The following HCN1 variants were observed in gnomAD, a reference collection of about 807,000 sequenced individuals.
HCN1 encodes hyperpolarization activated cyclic nucleotide gated potassium channel 1.
A neutral mutation model predicts 78.9 loss-of-function variants in HCN1; 13 were observed. That is an observed-to-expected ratio of 0.16 (90% CI 0.11 to 0.26). The LOEUF (loss-of-function observed/expected upper bound fraction) is 0.26, where lower values mean the gene tolerates loss of function less well. Among genes scored for constraint, HCN1 ranks in the 10% least tolerant of loss-of-function variants. The pLI, the probability that HCN1 is intolerant of heterozygous loss-of-function variation, is 1.00. For synonymous variants in HCN1, 552 were observed against 455.5 expected (o/e 1.21, Z -2.70); for missense variants, 810 against 1,154.3 (o/e 0.70, Z 4.32).
intron 5 of HCN1, among the ~76,000 whole-genome samples, chr5:45,341,158 T>C (rs1746571966): frequency 6.6e-6 from 1 of 152,210 alleles, no homozygotes; most frequent in Non-Finnish European, 1.5e-5. Flanking sequence ...GAATCAGCCG[T>C]TCACAGATGG....
At chr5:45,276,507 G>T (rs747521816) in intron 6 of HCN1, among the ~76,000 whole-genome samples, 3 of 151,986 alleles carry the variant, frequency 2.0e-5, no homozygotes, top group African/African-American at 7.2e-5. Flanking sequence ...AATTTAAAAA[G>T]AGTTCCTCAT....
intron 2 of HCN1, among the ~76,000 whole-genome samples, chr5:45,498,727 G>A (rs909503702): frequency 6.6e-6 from 1 of 152,002 alleles, no homozygotes; most frequent in African/African-American, 2.4e-5. Flanking sequence ...TCTACTTTTG[G>A]TCTTTGATGA....
chr5:45,353,246 AC>A lies in HCN1; in HGVS notation c.1231-1del. On this transcript the variant is annotated splice_acceptor_variant, in intron 4 of 7. Transcript: ENST00000303230. LOFTEE classifies it high-confidence loss of function. ...GACATGTATTGTTCCACTTGCTTAT[AC>A]TGTAAGGAAGGGAAAATAAAATTAA... The A allele has an allele frequency of 6.3e-7, 1 of 1,595,702 alleles. No homozygotes were observed. The highest frequency in any genetic ancestry group is 2.2e-5 in the East Asian group (1 of 44,638).
At chr5:45,512,573 A>T (rs529210939) in intron 2 of HCN1, among the ~76,000 whole-genome samples, 1 of 152,056 alleles carries the variant, frequency 6.6e-6, no homozygotes, top group East Asian at 1.9e-4. Flanking sequence ...AATAATTTTT[A>T]AAAAATCCTG....
intron 2 of HCN1, among the ~76,000 whole-genome samples, chr5:45,619,802 T>C (rs1745021863): frequency 6.6e-6 from 1 of 152,116 alleles, no homozygotes; most frequent in South Asian, 2.1e-4. Context: ...TGTGGTGATT[T>C]GAACTCAGGC....
chr5:45,502,233 C>T (rs374831012), intron 2 of HCN1, among the ~76,000 whole-genome samples: 1 of 151,374 alleles, frequency 6.6e-6, no homozygotes, highest in South Asian at 2.1e-4. Flanking sequence ...TTTGGGAGGC[C>T]GAGGCGGGCG....
chr5:45,496,019 AT>A (rs1266446767), intron 2 of HCN1, among the ~76,000 whole-genome samples: 5 of 152,148 alleles, frequency 3.3e-5, no homozygotes, highest in Admixed American at 3.3e-4. Context: ...TTTACTGAGG[AT>A]TTTTGCATCA....
chr5:45,528,413 C>G (rs1320917026), intron 2 of HCN1, among the ~76,000 whole-genome samples: 1 of 151,740 alleles, frequency 6.6e-6, no homozygotes, highest in Non-Finnish European at 1.5e-5. Flanking sequence ...TACTATAGAC[C>G]AAATAGTTTT....
At chr5:45,688,282 A>T (rs532758869) in intron 1 of HCN1, among the ~76,000 whole-genome samples, 1 of 152,092 alleles carries the variant, frequency 6.6e-6, no homozygotes. Context: ...CTTGTTTCTT[A>T]TTATGTAAAA....
intron 2 of HCN1, among the ~76,000 whole-genome samples, chr5:45,556,015 A>G (rs1396237436): frequency 6.6e-6 from 1 of 151,948 alleles, no homozygotes; most frequent in Non-Finnish European, 1.5e-5. Flanking sequence ...ATGCCAAAGA[A>G]TGAAACTAGA....
chr5:45,372,829 C>T (rs1177634293), intron 4 of HCN1, among the ~76,000 whole-genome samples: 1 of 140,496 alleles, frequency 7.1e-6, no homozygotes, highest in East Asian at 2.1e-4. Context: ...TGTACGTATT[C>T]TATACAGAAA....
intron 6 of HCN1, among the ~76,000 whole-genome samples, chr5:45,270,416 C>T (rs533878077): frequency 6.6e-6 from 1 of 152,216 alleles, no homozygotes; most frequent in African/African-American, 2.4e-5. Context: ...GGTTTAATCC[C>T]TGAAGTAGTA....
chr5:45,666,281 GT>G (rs1283268241), intron 1 of HCN1, among the ~76,000 whole-genome samples: 1 of 152,074 alleles, frequency 6.6e-6, no homozygotes, highest in Non-Finnish European at 1.5e-5. Context: ...CCAGCATGCT[GT>G]TTTTGCTTAG....
chr5:45,461,816 T>G, intron 3 of HCN1, 30 bp downstream of exon 3: 2 of 1,593,804 alleles, frequency 1.3e-6, no homozygotes, highest in South Asian at 1.1e-5. Context: ...CGTTGAAAAG[T>G]CAGAGTGTAA....
At chr5:45,415,052 A>T (rs1740093761) in intron 3 of HCN1, among the ~76,000 whole-genome samples, 1 of 152,016 alleles carries the variant, frequency 6.6e-6, no homozygotes, top group African/African-American at 2.4e-5. Flanking sequence ...GCAGTGGTTA[A>T]ATGTTAAACT....
At chr5:45,314,167 G>C (rs11746890) in intron 5 of HCN1, among the ~76,000 whole-genome samples, 3 of 152,084 alleles carry the variant, frequency 2.0e-5, no homozygotes, top group Admixed American at 1.3e-4. Flanking sequence ...CGAATCTCTC[G>C]GCAGAAACTC....
intron 3 of HCN1, among the ~76,000 whole-genome samples, chr5:45,445,812 C>T (rs935013699): frequency 2.0e-5 from 3 of 152,294 alleles, no homozygotes; most frequent in African/African-American, 7.2e-5. Context: ...CTCCAACAGA[C>T]CTGCAGCTGA....
intron 2 of HCN1, among the ~76,000 whole-genome samples, chr5:45,613,440 C>T (rs1032764716): frequency 6.6e-5 from 10 of 152,046 alleles, no homozygotes; most frequent in Admixed American, 6.6e-4. Context: ...CTTAGAATGG[C>T]AATCATTAAA....
intron 1 of HCN1, among the ~76,000 whole-genome samples, chr5:45,694,711 A>G (rs575222856): frequency 2.0e-5 from 3 of 152,356 alleles, no homozygotes; most frequent in South Asian, 2.1e-4. Context: ...GAGCTAAGAT[A>G]ATCGTGCACA....
Sources: gnomAD v4.1 joint callset for allele counts (sites outside exome capture counted in the v4.1 genomes callset) on GRCh38, gnomAD v4.1.1 for gene constraint, MANE v1.5 for transcripts, NCBI Gene and HGNC (gene_info 2026-07-23, HGNC 2026-07-21) for gene names.